The following SUPT3H variants were observed in gnomAD, a reference collection of about 807,000 sequenced individuals.
SUPT3H encodes the protein SPT3 homolog, SAGA and STAGA complex component, also known as transcription initiation protein SPT3 homolog.
SUPT3H carries 44 observed loss-of-function variants against 44.3 expected under a neutral mutation model. That is an observed-to-expected ratio of 0.99 (90% confidence interval 0.78 to 1.28). SUPT3H has a LOEUF of 1.28. Ranked by LOEUF, SUPT3H falls within the 50% of genes most tolerant of loss-of-function variation. The pLI is 0.00. For missense variants in SUPT3H, 380 were observed against 387.1 expected (o/e 0.98, Z 0.15); for synonymous variants, 124 against 125.6 (o/e 0.99, Z 0.09).
chr6:45,078,646 T>C (rs1562411970), intron 3 of SUPT3H, among the ~76,000 whole-genome samples: 1 of 152,206 alleles, frequency 6.6e-6, no homozygotes, highest in Non-Finnish European at 1.5e-5. Context: ...GGTCTCTTTT[T>C]CTCTTTCATT....
intron 11 of SUPT3H, among the ~76,000 whole-genome samples, chr6:44,814,451 A>C (rs1015481093): frequency 6.6e-6 from 1 of 152,130 alleles, no homozygotes; most frequent in African/African-American, 2.4e-5. Flanking sequence ...GTCCCATCAC[A>C]CACACGGTAG....
chr6:45,218,817 ATAC>A (rs942359857), intron 2 of SUPT3H, among the ~76,000 whole-genome samples: 24 of 152,158 alleles, frequency 1.6e-4, no homozygotes, highest in African/African-American at 5.8e-4. Flanking sequence ...AAACATACAA[ATAC>A]TACACCAGAA....
rs79599270 is a variant in SUPT3H at position 45,060,303 on chromosome 6, C to A, written c.187-39671G>T. Among the ~76,000 whole-genome samples, 595 of 152,170 alleles carry A rather than the reference C, an allele frequency of 3.9e-3. 7 individuals are homozygous for A. The highest frequency in any genetic ancestry group is 0.014 in the African/African-American group (567 of 41,516). Reference sequence around the variant, plus strand: ...CTCAGAAATAAGACCACACACCCTACAACCATCTGATATTTGACAAAACTG... The same window carrying A: ...CTCAGAAATAAGACCACACACCCTAAAACCATCTGATATTTGACAAAACTG... On this transcript the variant is annotated intron_variant, in intron 3 of 10. Coordinates refer to ENST00000371459, the MANE Select transcript of SUPT3H (RefSeq NM_003599.4).
chr6:45,159,908 C>A (rs749654804), intron 2 of SUPT3H, among the ~76,000 whole-genome samples: 2 of 152,146 alleles, frequency 1.3e-5, no homozygotes, highest in African/African-American at 4.8e-5. Flanking sequence ...AACACACCCA[C>A]ACCTACATAT....
intron 2 of SUPT3H, among the ~76,000 whole-genome samples, chr6:45,158,631 A>G (rs754273922): frequency 6.6e-6 from 1 of 150,640 alleles, no homozygotes; most frequent in African/African-American, 2.5e-5. Flanking sequence ...ATTTGGGGTG[A>G]GACATACCCA....
chr6:45,059,722 A>C (rs1791681714), intron 3 of SUPT3H, among the ~76,000 whole-genome samples: 1 of 152,180 alleles, frequency 6.6e-6, no homozygotes, highest in East Asian at 1.9e-4. Flanking sequence ...TTAAACTGAT[A>C]AGCAACTTCA....
At chr6:45,146,017 A>G (rs1408489851) in intron 2 of SUPT3H, among the ~76,000 whole-genome samples, 1 of 152,084 alleles carries the variant, frequency 6.6e-6, no homozygotes, top group African/African-American at 2.4e-5. Flanking sequence ...TCAAAAAATA[A>G]TAGATGTTGG....
intron 2 of SUPT3H, among the ~76,000 whole-genome samples, chr6:45,297,822 T>C (rs1479243990): frequency 6.6e-6 from 1 of 152,214 alleles, no homozygotes; most frequent in Non-Finnish European, 1.5e-5. Flanking sequence ...ACATCCAGTA[T>C]GTATTTACTG....
chr6:44,958,872 GTTT>G lies in SUPT3H; in HGVS notation c.580+2878_580+2880del, dbSNP rs10670652. Among the ~76,000 whole-genome samples the G allele has an allele frequency of 6.0e-3, 590 of 98,212 alleles. 10 individuals are homozygous for G. Among genetic ancestry groups the G allele is most frequent in the African/African-American group, 0.023 (574 of 25,044 alleles). The allele number at this position is 98,212 out of a possible 152,430, so 64.4% of individuals were successfully genotyped here. ...AGGAAAGTTTAAGTACTTATCAATGGTTTTTTTTTTTTTTTTTTTTTGAGACGA... is the reference window on the plus strand; with the variant it reads ...AGGAAAGTTTAAGTACTTATCAATGGTTTTTTTTTTTTTTTTTTGAGACGA... On this transcript the variant is annotated intron_variant, in intron 7 of 10. Transcript: ENST00000371459.
At chr6:45,077,626 C>CAAAAAAAAAAAAAAAAAA (rs70993493) in intron 3 of SUPT3H, among the ~76,000 whole-genome samples, 16 of 34,002 alleles carry the variant, frequency 4.7e-4, no homozygotes, top group East Asian at 8.7e-4. Context: ...GACCTTGTTT[C>CAAAAAAAAAAAAAAAAAA]AAAAAAAAAA....
At chr6:45,347,758 C>CT (rs201547368) in intron 2 of SUPT3H, among the ~76,000 whole-genome samples, 4,436 of 150,614 alleles carry the variant, frequency 0.029, 90 homozygotes, top group Non-Finnish European at 0.047. Flanking sequence ...CTTCACAATT[C>CT]TTTTTTTTAA....
At chr6:44,952,871 A>C (rs1774519354) in intron 9 of SUPT3H, among the ~76,000 whole-genome samples, 1 of 152,230 alleles carries the variant, frequency 6.6e-6, no homozygotes, top group African/African-American at 2.4e-5. Flanking sequence ...AAGCTTCTTT[A>C]AATCATTTTT....
chr6:45,220,407 C>G (rs371792030), intron 2 of SUPT3H, among the ~76,000 whole-genome samples: 2 of 151,754 alleles, frequency 1.3e-5, no homozygotes, highest in African/African-American at 4.8e-5. Flanking sequence ...CTGACAAAAT[C>G]CAACATTATT....
intron 10 of SUPT3H, among the ~76,000 whole-genome samples, chr6:44,892,556 T>C (rs1763472775): frequency 6.6e-6 from 1 of 152,166 alleles, no homozygotes; most frequent in Non-Finnish European, 1.5e-5. Flanking sequence ...CAGTTAAACA[T>C]CTATGGATAT....
At chr6:45,355,216 C>A (rs934006748) in intron 2 of SUPT3H, among the ~76,000 whole-genome samples, 1 of 151,672 alleles carries the variant, frequency 6.6e-6, no homozygotes, top group African/African-American at 2.4e-5. Context: ...CCTGCCTCAG[C>A]CTCCCAAAGT....
At chr6:45,251,947 C>A (rs1035179030) in intron 2 of SUPT3H, among the ~76,000 whole-genome samples, 1 of 152,090 alleles carries the variant, frequency 6.6e-6, no homozygotes, top group African/African-American at 2.4e-5. Flanking sequence ...AAAACATTAT[C>A]TCAAATATTC....
rs778986382 is a variant in SUPT3H at position 45,234,142 on chromosome 6, AT to A, written c.102-128137del. 2.5e-4 allele frequency among the ~76,000 whole-genome samples: 38 copies of A among 152,312 alleles called. 1 individual carries two copies. Among genetic ancestry groups the A allele is most frequent in the Admixed American group, 7.2e-4 (11 of 15,304 alleles). On this transcript the variant is annotated intron_variant, in intron 2 of 10. Coordinates refer to ENST00000371459, the MANE Select transcript of SUPT3H (RefSeq NM_003599.4). ...CCTATGTAAATATTACCTATGTATA[AT>A]TGACTTTCATAAAATATATTGCTCA... is the stretch of plus-strand genomic sequence containing the variant.
intron 2 of SUPT3H, among the ~76,000 whole-genome samples, chr6:45,270,077 T>C (rs1584597311): frequency 6.6e-6 from 1 of 152,292 alleles, no homozygotes; most frequent in South Asian, 2.1e-4. Flanking sequence ...ATAATGTTTT[T>C]AAGTTCATAT....
chr6:45,070,756 A>AAAG (rs1554230820), intron 3 of SUPT3H, among the ~76,000 whole-genome samples: 2 of 151,456 alleles, frequency 1.3e-5, no homozygotes, highest in Non-Finnish European at 2.9e-5. Context: ...AAAAAAAAAA[A>AAAG]AAAGAAATGC....
Sources: allele counts gnomAD v4.1 joint callset (sites outside exome capture counted in the v4.1 genomes callset), GRCh38; gene constraint gnomAD v4.1.1; transcripts MANE v1.5; gene names NCBI Gene and HGNC (gene_info 2026-07-23, HGNC 2026-07-21).